CADM2: variants seen among roughly 807,000 people sequenced by gnomAD.
CADM2 encodes cell adhesion molecule 2.
In CADM2, 12 loss-of-function variants were observed where a neutral mutation model predicts 49.8. The observed-to-expected ratio is 0.24, with a 90% CI of 0.15 to 0.39. The LOEUF is 0.39. Among genes scored for constraint, CADM2 ranks in the 10% least tolerant of loss-of-function variants. CADM2 has a pLI of 1.00. For synonymous variants in CADM2, 214 were observed against 175.4 expected (o/e 1.22, Z -1.74); for missense variants, 378 against 492.3 (o/e 0.77, Z 2.20).
chr3:85,495,189 G>A (rs1033848920), intron 1 of CADM2, among the ~76,000 whole-genome samples: 6 of 152,038 alleles, frequency 3.9e-5, no homozygotes, highest in Non-Finnish European at 8.8e-5. Context: ...ATGGATGATG[G>A]CTGTGGTAAA....
At chr3:85,791,388 G>A (rs1382074038) in intron 2 of CADM2, among the ~76,000 whole-genome samples, 1 of 152,052 alleles carries the variant, frequency 6.6e-6, no homozygotes, top group African/African-American at 2.4e-5. Context: ...AGCATGCTAT[G>A]TGTGCATTTA....
At chr3:85,898,086 T>A (rs1027306689) in intron 5 of CADM2, among the ~76,000 whole-genome samples, 3 of 152,120 alleles carry the variant, frequency 2.0e-5, no homozygotes, top group Non-Finnish European at 4.4e-5. Flanking sequence ...TGTGTGTGCG[T>A]GCACATAACT....
chr3:85,942,587 TG>T (rs1722078632), intron 7 of CADM2, among the ~76,000 whole-genome samples: 1 of 151,006 alleles, frequency 6.6e-6, no homozygotes, highest in African/African-American at 2.4e-5. Flanking sequence ...ATGCGGTGTA[TG>T]TTTTTTTGTT....
chr3:85,016,884 G>A (rs1256477053), intron 1 of CADM2, among the ~76,000 whole-genome samples: 3 of 152,146 alleles, frequency 2.0e-5, no homozygotes, highest in Admixed American at 2.0e-4. Context: ...AATACTGTGA[G>A]AGTGAGTAGG....
intron 8 of CADM2, among the ~76,000 whole-genome samples, chr3:86,053,338 AT>A (rs1253713863): frequency 6.6e-6 from 1 of 152,168 alleles, no homozygotes; most frequent in Non-Finnish European, 1.5e-5. Context: ...GTCTAAATGC[AT>A]TTTTTGCGTG....
intron 1 of CADM2, among the ~76,000 whole-genome samples, chr3:85,075,950 C>A (rs1458353988): frequency 3.3e-5 from 5 of 151,682 alleles, no homozygotes; most frequent in Non-Finnish European, 7.4e-5. Flanking sequence ...ACTTTAATTA[C>A]CATGATAATA....
intron 1 of CADM2, among the ~76,000 whole-genome samples, chr3:85,616,033 G>A (rs1250695135): frequency 6.6e-6 from 1 of 151,906 alleles, no homozygotes; most frequent in African/African-American, 2.4e-5. Flanking sequence ...AGTCTAGTAA[G>A]AGCTGATGAG....
At chr3:85,704,495 A>G (rs2066876236) in intron 1 of CADM2, among the ~76,000 whole-genome samples, 1 of 152,070 alleles carries the variant, frequency 6.6e-6, no homozygotes, top group South Asian at 2.1e-4. Context: ...ATGGATGACC[A>G]CTTTTCTCTC....
At chr3:85,812,012 G>C (rs890333297) in intron 3 of CADM2, among the ~76,000 whole-genome samples, 1 of 152,080 alleles carries the variant, frequency 6.6e-6, no homozygotes, top group African/African-American at 2.4e-5. Context: ...CAGTTCAACT[G>C]TATGGATATC....
At chr3:85,901,790 G>A (rs988279240) in intron 5 of CADM2, among the ~76,000 whole-genome samples, 1 of 151,954 alleles carries the variant, frequency 6.6e-6, no homozygotes, top group South Asian at 2.1e-4. Flanking sequence ...GATAACTCCC[G>A]ACTTTCCCCC....
chr3:85,522,307 A>AT (rs1211932347), intron 1 of CADM2, among the ~76,000 whole-genome samples: 4 of 151,934 alleles, frequency 2.6e-5, no homozygotes, highest in Admixed American at 2.6e-4. Flanking sequence ...TTCAAAACTT[A>AT]TTTTTTCCTT....
rs180736043 is a variant in CADM2 at position 85,761,075 on chromosome 3, A to G, written c.88+34527A>G. On this transcript the variant is annotated intron_variant, in intron 2 of 9. Coordinates refer to ENST00000383699, the MANE Select transcript of CADM2 (RefSeq NM_001167675.2). The stretch of plus-strand genomic sequence containing the variant: ...CGCTAAGGCAGGAGACGAAGTCCCT[A>G]TCAGGATTACCTGCAGGAACATTTG... Among the ~76,000 whole-genome samples the G allele has an allele frequency of 2.4e-4, 36 of 152,254 alleles. 1 individual carries two copies. Among genetic ancestry groups the G allele is most frequent in the Admixed American group, 1.4e-3 (22 of 15,300 alleles).
intron 8 of CADM2, chr3:86,013,815 C>T: frequency 1.3e-6 from 2 of 1,589,278 alleles, no homozygotes; most frequent in South Asian, 2.2e-5. Context: ...GAAGCATTGT[C>T]GTGGTCAGGC....
intron 8 of CADM2, among the ~76,000 whole-genome samples, chr3:86,043,194 A>G (rs903083995): frequency 5.9e-5 from 9 of 152,020 alleles, no homozygotes; most frequent in South Asian, 2.1e-4. Context: ...TTCTCTCACC[A>G]CTCCTATTCA....
chr3:85,568,476 T>A (rs200150252), intron 1 of CADM2, among the ~76,000 whole-genome samples: 4 of 53,106 alleles, frequency 7.5e-5, no homozygotes, highest in South Asian at 6.2e-4. Flanking sequence ...TTTCTCTCTC[T>A]TTCTTTCTTT....
At chr3:85,122,927 A>T (rs552718368) in intron 1 of CADM2, among the ~76,000 whole-genome samples, 3 of 152,166 alleles carry the variant, frequency 2.0e-5, no homozygotes, top group East Asian at 3.9e-4. Flanking sequence ...TTAAACCTCA[A>T]ACTGAGCTAA....
intron 1 of CADM2, among the ~76,000 whole-genome samples, chr3:84,963,517 G>T (rs116816350): frequency 6.6e-6 from 1 of 152,032 alleles, no homozygotes; most frequent in Non-Finnish European, 1.5e-5. Flanking sequence ...GGAATTAGTC[G>T]TATAAAAAAG....
At chr3:84,965,953 G>A (rs2030947654) in intron 1 of CADM2, among the ~76,000 whole-genome samples, 1 of 152,148 alleles carries the variant, frequency 6.6e-6, no homozygotes, top group Non-Finnish European at 1.5e-5. Flanking sequence ...CTCTAAAAAT[G>A]TAAGAGTTAT....
At chr3:86,064,036 CT>C (rs923006047) in intron 8 of CADM2, among the ~76,000 whole-genome samples, 82 of 149,992 alleles carry the variant, frequency 5.5e-4, no homozygotes, top group African/African-American at 1.9e-3. Context: ...CTTTTCACTT[CT>C]TTTTTTTTAA....
Sources: gnomAD v4.1 joint callset for allele counts (sites outside exome capture counted in the v4.1 genomes callset) on GRCh38, gnomAD v4.1.1 for gene constraint, MANE v1.5 for transcripts, NCBI Gene and HGNC (gene_info 2026-07-23, HGNC 2026-07-21) for gene names.